Variants in NEK1 observed in about 807,000 individuals in gnomAD.
NEK1 encodes serine/threonine-protein kinase Nek1.
A neutral mutation model predicts 182.1 loss-of-function variants in NEK1; 137 were observed. The observed-to-expected ratio is 0.75, with a 90% CI of 0.65 to 0.87. NEK1 has a LOEUF of 0.87. NEK1 is among the 40% of genes least tolerant of loss of function. The pLI, the probability that NEK1 is intolerant of heterozygous loss-of-function variation, is 0.00. For synonymous variants in NEK1, 513 were observed against 492.2 expected (o/e 1.04, Z -0.56); for missense variants, 1,391 against 1,494.4 (o/e 0.93, Z 1.14).
At chr4:169,521,366 G>A (rs957206928) in intron 19 of NEK1, among the ~76,000 whole-genome samples, 4 of 133,812 alleles carry the variant, frequency 3.0e-5, no homozygotes, top group South Asian at 2.7e-4. Flanking sequence ...GCTTCGGCTC[G>A]CGCACGGTGC....
At chr4:169,485,569 A>G (rs1197013923) in intron 23 of NEK1, among the ~76,000 whole-genome samples, 2 of 152,238 alleles carry the variant, frequency 1.3e-5, no homozygotes, top group East Asian at 3.8e-4. Context: ...CGGAAAGTTG[A>G]GCAAATATGA....
chr4:169,481,389 C>T (rs1747972716), intron 23 of NEK1, among the ~76,000 whole-genome samples: 1 of 152,156 alleles, frequency 6.6e-6, no homozygotes, highest in African/African-American at 2.4e-5. Context: ...ATTAGAGGAA[C>T]CATTATCTAT....
chr4:169,448,158 T>C (rs1338789500), intron 27 of NEK1, among the ~76,000 whole-genome samples: 1 of 151,470 alleles, frequency 6.6e-6, no homozygotes, highest in Non-Finnish European at 1.5e-5. Context: ...AGCCAGAAGG[T>C]GGAAGTTGTA....
rs1161941911 is a variant in NEK1, at chr4:169,510,779, TACG to T, written c.1666-1930_1666-1928del. Among the ~76,000 whole-genome samples, 14 of 152,270 alleles carry T rather than the reference TACG, an allele frequency of 9.2e-5. No homozygotes were observed. The East Asian group carries it at 2.7e-3, about 29-fold the overall frequency. On this transcript the variant is annotated intron_variant, in intron 19 of 35. Transcript: ENST00000507142. Reference sequence around the variant, plus strand: ...TCAGTCATAAATCCTACATTCTGGCTACGACAACTACTTGTGGTCTGTAAACTG... The same window carrying T: ...TCAGTCATAAATCCTACATTCTGGCTACAACTACTTGTGGTCTGTAAACTG...
intron 28 of NEK1, among the ~76,000 whole-genome samples, chr4:169,436,156 G>C (rs1738374582): frequency 6.6e-6 from 1 of 152,198 alleles, no homozygotes; most frequent in African/African-American, 2.4e-5. Context: ...TGCCAGCCTT[G>C]GCTTCCCAAA....
At chr4:169,569,665 T>C (rs2149993295) in intron 12 of NEK1, among the ~76,000 whole-genome samples, 1 of 152,242 alleles carries the variant, frequency 6.6e-6, no homozygotes, top group Admixed American at 6.5e-5. Context: ...CTGGTTTTCG[T>C]ATTTTTTTGG....
At chr4:169,504,951 T>A (rs1405202297) in intron 23 of NEK1, among the ~76,000 whole-genome samples, 1 of 152,166 alleles carries the variant, frequency 6.6e-6, no homozygotes, top group African/African-American at 2.4e-5. Context: ...GTGATTAGTT[T>A]GCATTTATGC....
intron 12 of NEK1, among the ~76,000 whole-genome samples, chr4:169,573,907 CCAGCACTTTTTGGG>C (rs1271562389): frequency 6.6e-6 from 1 of 152,052 alleles, no homozygotes; most frequent in Non-Finnish European, 1.5e-5. Context: ...GCCTGTAATC[CCAGCACTTTTTGGG>C]CAGCCAAGGC....
At chr4:169,527,327 G>A (rs528490292) in intron 19 of NEK1, among the ~76,000 whole-genome samples, 1 of 152,208 alleles carries the variant, frequency 6.6e-6, no homozygotes, top group East Asian at 1.9e-4. Flanking sequence ...TTTCTTTAGG[G>A]AAAGGGAAAA....
chr4:169,423,446 G>A (rs1208755238), intron 31 of NEK1, among the ~76,000 whole-genome samples: 1 of 152,042 alleles, frequency 6.6e-6, no homozygotes, highest in African/African-American at 2.4e-5. Context: ...AAGAATTCAG[G>A]CAGTTGATTC....
chr4:169,593,911 C>T (rs1768983544), intron 5 of NEK1, among the ~76,000 whole-genome samples: 2 of 151,762 alleles, frequency 1.3e-5, no homozygotes, highest in Non-Finnish European at 2.9e-5. Flanking sequence ...ATGGCGTGAA[C>T]CCGGGAGACG....
intron 2 of NEK1, among the ~76,000 whole-genome samples, chr4:169,607,945 A>C (rs138473733): frequency 2.0e-4 from 30 of 152,210 alleles, no homozygotes; most frequent in African/African-American, 5.8e-4. Flanking sequence ...AAAAACAACA[A>C]CACACACCGG....
chr4:169,509,627 A>G (rs1753865968), intron 19 of NEK1, among the ~76,000 whole-genome samples: 1 of 152,044 alleles, frequency 6.6e-6, no homozygotes, highest in Non-Finnish European at 1.5e-5. Flanking sequence ...ATGACTTTCT[A>G]CTTCACAACT....
At chr4:169,551,223 A>C (rs923191859) in intron 18 of NEK1, among the ~76,000 whole-genome samples, 14 of 152,256 alleles carry the variant, frequency 9.2e-5, no homozygotes, top group Non-Finnish European at 2.1e-4. Context: ...GAAGTTATTA[A>C]TACTGGCCCA....
intron 5 of NEK1, among the ~76,000 whole-genome samples, chr4:169,592,581 A>C (rs977408472): frequency 4.7e-4 from 72 of 152,144 alleles, no homozygotes; most frequent in African/African-American, 1.7e-3. Flanking sequence ...AAGGATAGCT[A>C]CCAATCAGTT....
chr4:169,440,427 G>T (rs1377289000), intron 27 of NEK1, among the ~76,000 whole-genome samples: 7 of 151,906 alleles, frequency 4.6e-5, no homozygotes, highest in Non-Finnish European at 8.8e-5. Flanking sequence ...TAATAAAAGA[G>T]AAATTATACT....
intron 28 of NEK1, among the ~76,000 whole-genome samples, chr4:169,435,660 G>A (rs1045639684): frequency 6.6e-6 from 1 of 152,072 alleles, no homozygotes; most frequent in Non-Finnish European, 1.5e-5. Context: ...TTGATATCTG[G>A]AAGCCCAAGC....
chr4:169,600,538 T>C (rs1032005102), intron 4 of NEK1, among the ~76,000 whole-genome samples: 13 of 152,172 alleles, frequency 8.5e-5, no homozygotes, highest in African/African-American at 2.9e-4. Flanking sequence ...GTGACATTCT[T>C]GTCACTCGTG....
intron 31 of NEK1, among the ~76,000 whole-genome samples, chr4:169,408,264 G>C (rs1474898770): frequency 6.6e-6 from 1 of 152,040 alleles, no homozygotes; most frequent in Non-Finnish European, 1.5e-5. Context: ...AATTTCAAGT[G>C]GTCATGTAAT....
Sources: allele counts gnomAD v4.1 joint callset (sites outside exome capture counted in the v4.1 genomes callset), GRCh38; gene constraint gnomAD v4.1.1; transcripts MANE v1.5; gene names NCBI Gene and HGNC (gene_info 2026-07-23, HGNC 2026-07-21).